APBA2: variants seen among roughly 807,000 people sequenced by gnomAD.
APBA2 encodes amyloid beta precursor protein binding family A member 2, also known as amyloid-beta A4 precursor protein-binding family A member 2.
Under a neutral mutation model 75.0 loss-of-function variants are expected in APBA2, and 30 were observed. That is an observed-to-expected ratio of 0.40 (90% CI 0.30 to 0.54). APBA2 has a LOEUF of 0.54. Among genes scored for constraint, APBA2 ranks in the 20% least tolerant of loss-of-function variants. The pLI is 0.49. For missense variants in APBA2, 801 were observed against 1,016.1 expected, an observed-to-expected ratio of 0.79 and a Z score of 2.88; for synonymous variants, 444 against 409.6, an observed-to-expected ratio of 1.08 and a Z score of -1.01.
rs192054799 is a variant in APBA2 at position 29,076,285 on chromosome 15, C to T, written c.1069+194C>T. On this transcript the variant is annotated intron_variant, in intron 6 of 14. Transcript: ENST00000683413. ...GGGGAGGGGAGGTCCAGCTGATCTG[C>T]CCGCTTTGATGCAAGGAACAGTAGA... Among the ~76,000 whole-genome samples the T allele has an allele frequency of 1.2e-3, 190 of 152,280 alleles. 1 individual carries two copies. Among genetic ancestry groups the T allele is most frequent in the African/African-American group, 4.4e-3 (184 of 41,550 alleles).
intron 6 of APBA2, among the ~76,000 whole-genome samples, chr15:29,090,892 A>G (rs1419903380): frequency 6.6e-6 from 1 of 152,156 alleles, no homozygotes; most frequent in East Asian, 1.9e-4. Flanking sequence ...AGCACAGGGC[A>G]TGTCTGGCGA....
chr15:29,097,146 G>A (rs561816036), intron 8 of APBA2, among the ~76,000 whole-genome samples: 3 of 152,262 alleles, frequency 2.0e-5, no homozygotes, highest in Non-Finnish European at 4.4e-5. Context: ...ACATGGTGGT[G>A]ACTGATTAAA....
At chr15:29,076,163 T>C (rs1443239015) in intron 6 of APBA2, 72 bp downstream of exon 6, 1 of 1,507,274 alleles carries the variant, frequency 6.6e-7, no homozygotes, top group Non-Finnish European at 9.2e-7. Flanking sequence ...GCTTTTAGTT[T>C]GGGCATTCAC....
At chr15:29,108,160 T>C in intron 12 of APBA2, 110 bp from the exon 13 acceptor site, 1 of 1,502,984 alleles carries the variant, frequency 6.7e-7, no homozygotes, top group Non-Finnish European at 9.1e-7. Flanking sequence ...GCCTCTCCCA[T>C]TGTGTGTTCT....
At chr15:28,919,025 A>G (rs977294219) in intron 1 of APBA2, among the ~76,000 whole-genome samples, 3 of 151,926 alleles carry the variant, frequency 2.0e-5, no homozygotes, top group Admixed American at 2.0e-4. Context: ...ACGCCCGGCT[A>G]ATTTTTTGCG....
At chr15:29,022,553 C>T (rs1048329473) in intron 3 of APBA2, among the ~76,000 whole-genome samples, 8 of 152,202 alleles carry the variant, frequency 5.3e-5, no homozygotes, top group Admixed American at 5.2e-4. Flanking sequence ...AAGTTTATAA[C>T]CCATTCCCCC....
In APBA2 at chr15:29,093,061, G is replaced by C; in HGVS notation, c.1070-14G>C. Reference sequence around the variant, plus strand: ...TCTCCTCTAGGAAGACTCTGACTCTGTGCCCTCCTTCAGTTCCAGGGCCCT... The same window carrying C: ...TCTCCTCTAGGAAGACTCTGACTCTCTGCCCTCCTTCAGTTCCAGGGCCCT... On this transcript the variant is annotated splice_polypyrimidine_tract_variant and intron_variant, in intron 6 of 14. Coordinates refer to ENST00000683413, the MANE Select transcript of APBA2 (RefSeq NM_001353788.2). The C allele has an allele frequency of 6.2e-7, 1 of 1,614,124 alleles. No homozygotes were observed. The highest frequency in any genetic ancestry group is 1.3e-5 in the African/African-American group (1 of 75,060).
chr15:28,937,921 T>A (rs1235376834), intron 2 of APBA2, among the ~76,000 whole-genome samples: 2 of 152,178 alleles, frequency 1.3e-5, no homozygotes, highest in Non-Finnish European at 2.9e-5. Context: ...CCTCCCAAAG[T>A]GCTGGGATTA....
Position 28,996,323 on chromosome 15 carries a change from C to A in APBA2, c.-41+517C>A, listed in dbSNP as rs554410601. ...TACCAGGAAGCTGAGCAGAAGAAATCTAACTTTGATAAAAAGAGGCCTCCT... is the reference window on the plus strand; with the variant it reads ...TACCAGGAAGCTGAGCAGAAGAAATATAACTTTGATAAAAAGAGGCCTCCT... On this transcript the variant is annotated intron_variant, in intron 3 of 14. Transcript: ENST00000683413. Among the ~76,000 whole-genome samples the A allele has an allele frequency of 2.0e-5, 3 of 152,278 alleles. No homozygotes were observed. In the South Asian group the frequency reaches 6.2e-4, roughly 32 times the overall value.
At chr15:28,917,893 C>T (rs2033758986) in intron 1 of APBA2, among the ~76,000 whole-genome samples, 2 of 152,174 alleles carry the variant, frequency 1.3e-5, no homozygotes, top group South Asian at 2.1e-4. Flanking sequence ...CAGCTGGTCT[C>T]TGGGGAGCAG....
At position 29,022,884 on chromosome 15, in the gene APBA2, T is replaced by C. The variant is rs567654268; in HGVS notation, c.-41+27078T>C. ...GTTTTTATCTGGGAATGTAGTGTAT[T>C]TTTTTCTTGAAAGTTTTGTACACTT... On this transcript the variant is annotated intron_variant, in intron 3 of 14. Transcript: ENST00000683413. 4.2e-3 allele frequency among the ~76,000 whole-genome samples: 314 copies of C among 75,022 alleles called. 2 individuals carry two copies. The African/African-American group carries it at 0.12, about 28-fold the overall frequency. 49.2% of individuals were successfully genotyped at this position (75,022 alleles called of 152,430 possible).
intron 4 of APBA2, among the ~76,000 whole-genome samples, chr15:29,067,747 A>G (rs1365848177): frequency 6.6e-6 from 1 of 152,216 alleles, no homozygotes; most frequent in African/African-American, 2.4e-5. Context: ...AGACAGGTAG[A>G]TTTAGTAAAG....
chr15:29,086,107 T>A (rs2152939679), intron 6 of APBA2, among the ~76,000 whole-genome samples: 1 of 152,354 alleles, frequency 6.6e-6, no homozygotes, highest in Admixed American at 6.5e-5. Flanking sequence ...TTGTTCTCTC[T>A]TACTTGTTCC....
At position 29,106,795 on chromosome 15, in the gene APBA2, C is replaced by T. The variant is rs200747314; in HGVS notation, c.1893C>T (p.Leu631=). The T allele has an allele frequency of 3.5e-5, 56 of 1,612,790 alleles. No individual in the cohort carries two copies. The highest frequency in any genetic ancestry group is 3.3e-4 in the Middle Eastern group (2 of 6,082). The change falls in exon 12 of 15, where the codon CTC becomes CTT. Residue 631 remains leucine, a synonymous_variant. Transcript: ENST00000683413. The stretch of plus-strand genomic sequence containing the variant: ...GCACCAGCCTGGTGGGGCTGCCCCT[C>T]GCCACCTGCCAAGGCATCATCAAGG... ...INGTSLVGLP[L]ATCQGIIKGL... is the part of the protein sequence containing the mutation.
At chr15:29,068,149 T>C (rs1237380603) in intron 4 of APBA2, among the ~76,000 whole-genome samples, 1 of 152,120 alleles carries the variant, frequency 6.6e-6, no homozygotes, top group Admixed American at 6.5e-5. Flanking sequence ...AGGTCACAGG[T>C]CAAGCCTTCT....
chr15:29,013,118 C>T (rs1435236930), intron 3 of APBA2, among the ~76,000 whole-genome samples: 3 of 151,882 alleles, frequency 2.0e-5, no homozygotes, highest in South Asian at 2.1e-4. Flanking sequence ...TCATAGCAGG[C>T]GGTGGAATTC....
At chr15:29,037,951 C>T (rs2040829127) in intron 3 of APBA2, among the ~76,000 whole-genome samples, 2 of 152,166 alleles carry the variant, frequency 1.3e-5, no homozygotes, top group South Asian at 2.1e-4. Context: ...AGCATACTGT[C>T]TCTTAATACT....
chr15:28,942,403 C>A (rs2035282865), intron 2 of APBA2, among the ~76,000 whole-genome samples: 1 of 151,968 alleles, frequency 6.6e-6, no homozygotes, highest in Admixed American at 6.5e-5. Context: ...TGACTTCATT[C>A]CATGTTCTTT....
intron 2 of APBA2, among the ~76,000 whole-genome samples, chr15:28,978,527 G>C (rs931866490): frequency 6.6e-6 from 1 of 152,226 alleles, no homozygotes; most frequent in Non-Finnish European, 1.5e-5. Flanking sequence ...CTGCTGGGCT[G>C]TGCAGCCCAT....
Sources: allele counts gnomAD v4.1 joint callset (sites outside exome capture counted in the v4.1 genomes callset), GRCh38; gene constraint gnomAD v4.1.1; transcripts MANE v1.5; gene names NCBI Gene and HGNC (gene_info 2026-07-23, HGNC 2026-07-21).